Variants in LPGAT1 observed in about 807,000 individuals in gnomAD.
The protein encoded by LPGAT1 is acyl-CoA:lysophosphatidylglycerol acyltransferase 1.
In LPGAT1, 11 loss-of-function variants were observed where a neutral mutation model predicts 47.5. The ratio of observed to expected loss-of-function variants is 0.23; its 90% CI spans 0.15 to 0.38. The LOEUF is 0.38. LPGAT1 is among the 10% of genes least tolerant of loss of function. LPGAT1 has a pLI of 1.00. For synonymous variants in LPGAT1, 138 were observed against 144.2 expected (o/e 0.96, Z 0.31); for missense variants, 293 against 439.0 (o/e 0.67, Z 2.97).
chr1:211,823,380 T>A (rs1660427683), intron 2 of LPGAT1, among the ~76,000 whole-genome samples: 1 of 152,192 alleles, frequency 6.6e-6, no homozygotes, highest in Admixed American at 6.5e-5. Flanking sequence ...ATTATAATTA[T>A]TAAGAATTCA....
chr1:211,784,568 AG>A (rs1257752264), intron 4 of LPGAT1, among the ~76,000 whole-genome samples: 1 of 152,034 alleles, frequency 6.6e-6, no homozygotes, highest in Admixed American at 6.6e-5. Context: ...ATAAGTTAGA[AG>A]ACTTGCAGTA....
intron 2 of LPGAT1, among the ~76,000 whole-genome samples, chr1:211,820,400 C>T (rs1029781266): frequency 6.6e-6 from 1 of 151,902 alleles, no homozygotes; most frequent in Non-Finnish European, 1.5e-5. Flanking sequence ...AAAATTATAA[C>T]TGAATAATTT....
chr1:211,770,995 G>C (rs1571710730), intron 6 of LPGAT1, among the ~76,000 whole-genome samples: 1 of 151,722 alleles, frequency 6.6e-6, no homozygotes, highest in East Asian at 1.9e-4. Flanking sequence ...TACCCGAGAG[G>C]CTGAGGTGGG....
chr1:211,775,086 A>G (rs991349033), intron 6 of LPGAT1, among the ~76,000 whole-genome samples: 3 of 152,218 alleles, frequency 2.0e-5, no homozygotes, highest in Non-Finnish European at 4.4e-5. Flanking sequence ...AGTGAGGTAC[A>G]GAACAGGTAG....
intron 6 of LPGAT1, among the ~76,000 whole-genome samples, chr1:211,765,878 T>C (rs1457316342): frequency 1.3e-5 from 2 of 152,140 alleles, no homozygotes; most frequent in African/African-American, 4.8e-5. Flanking sequence ...GTGTGTGTGT[T>C]TCTGGAAGAA....
chr1:211,822,450 A>T (rs1383577537), intron 2 of LPGAT1, among the ~76,000 whole-genome samples: 1 of 152,092 alleles, frequency 6.6e-6, no homozygotes, highest in African/African-American at 2.4e-5. Context: ...AAATCAAAAC[A>T]CTACTGAAAA....
chr1:211,797,048 G>A (rs1659379110), intron 2 of LPGAT1, among the ~76,000 whole-genome samples: 1 of 152,132 alleles, frequency 6.6e-6, no homozygotes, highest in South Asian at 2.1e-4. Context: ...TTGAGGTCAG[G>A]AGTTCGGGAC....
Position 211,804,248 on chromosome 1 carries a change from C to T in LPGAT1, c.239-11058G>A, listed in dbSNP as rs567071806. On this transcript the variant is annotated intron_variant, in intron 2 of 7. Transcript: ENST00000366997. ...TACTTTTTGTAGAGACAGGGTCTCG[C>T]TTTGTTGCCCATGCTGGTCTCAGAT... Among the ~76,000 whole-genome samples the T allele has an allele frequency of 2.2e-4, 34 of 152,156 alleles. No individual in the cohort carries two copies. The East Asian group carries it at 6.2e-3, about 28-fold the overall frequency.
intron 6 of LPGAT1, among the ~76,000 whole-genome samples, chr1:211,771,418 C>T (rs1658163744): frequency 6.6e-6 from 1 of 152,082 alleles, no homozygotes; most frequent in Non-Finnish European, 1.5e-5. Flanking sequence ...GTTATGTGCA[C>T]TTCAAACACT....
intron 3 of LPGAT1, among the ~76,000 whole-genome samples, chr1:211,790,934 G>A (rs1393989322): frequency 3.9e-5 from 6 of 152,162 alleles, no homozygotes; most frequent in Admixed American, 3.9e-4. Flanking sequence ...GATCCTATCT[G>A]TAAGAGTTAC....
intron 6 of LPGAT1, among the ~76,000 whole-genome samples, chr1:211,758,261 G>C (rs772295939): frequency 1.2e-4 from 18 of 152,254 alleles, no homozygotes; most frequent in Admixed American, 7.9e-4. Flanking sequence ...ATTTGAGTCA[G>C]TGAATGATTG....
chr1:211,824,183 G>A (rs1472783578), intron 2 of LPGAT1, among the ~76,000 whole-genome samples: 3 of 151,926 alleles, frequency 2.0e-5, no homozygotes, highest in African/African-American at 4.8e-5. Context: ...GATCACTTGA[G>A]GTCAGGAGTT....
rs1656993386 is a variant in LPGAT1 at position 211,747,556 on chromosome 1, T to C, written c.*2343A>G. ...ATTTATGTATGCATGTTCGCATTTA[T>C]TTTTGGATAGGAGAACTGGTCACTC... On this transcript the variant is annotated 3_prime_UTR_variant, in exon 8 of 8. Transcript: ENST00000366997. The C allele has an allele frequency of 6.6e-6, 1 of 152,248 alleles. No individual in the cohort carries two copies. The highest frequency in any genetic ancestry group is 1.5e-5 in the Non-Finnish European group (1 of 68,042). 9.4% of individuals were successfully genotyped at this position (152,248 alleles called of 1,614,324 possible).
chr1:211,797,311 CTTTT>C (rs200601647), intron 2 of LPGAT1, among the ~76,000 whole-genome samples: 2 of 122,622 alleles, frequency 1.6e-5, no homozygotes, highest in Non-Finnish European at 3.3e-5. Context: ...CTTTCCTTTT[CTTTT>C]TTTTTTTTTT....
intron 2 of LPGAT1, among the ~76,000 whole-genome samples, chr1:211,796,614 T>C (rs1239768192): frequency 6.6e-6 from 1 of 152,202 alleles, no homozygotes; most frequent in South Asian, 2.1e-4. Flanking sequence ...TGTGGTAATT[T>C]GTTATGGCAG....
intron 3 of LPGAT1, among the ~76,000 whole-genome samples, chr1:211,792,789 G>A (rs1427055341): frequency 1.5e-5 from 2 of 130,316 alleles, no homozygotes; most frequent in Admixed American, 9.7e-5. Context: ...TCGGCTCACT[G>A]CAATTTCTGC....
At chr1:211,781,635 C>G (rs1238418027) in intron 5 of LPGAT1, among the ~76,000 whole-genome samples, 2 of 152,218 alleles carry the variant, frequency 1.3e-5, no homozygotes, top group Non-Finnish European at 2.9e-5. Flanking sequence ...ACGTCTGGTC[C>G]TGATTGCCAC....
intron 4 of LPGAT1, 67 bp from the exon 5 acceptor site, chr1:211,783,569 A>G: frequency 7.2e-7 from 1 of 1,386,590 alleles, no homozygotes; most frequent in Non-Finnish European, 9.8e-7. Flanking sequence ...AAAATTAAAC[A>G]GAAATTACAG....
At position 211,829,219 on chromosome 1, in the gene LPGAT1, G is replaced by C. The variant is rs377060850; in HGVS notation, c.78C>G (p.Val26=). The C allele has an allele frequency of 6.2e-6, 10 of 1,614,010 alleles. No homozygotes were observed. In the African/African-American group the frequency reaches 8.0e-5, roughly 13 times the overall value. The part of the protein sequence containing the change: ...VKALMRFAFM[V]VNNLVAIPSY... ...ATGGAATAGCAACCAGGTTGTTGACGACCATGAAGGCAAACCTCATCAGTG... is the reference window on the plus strand; with the variant it reads ...ATGGAATAGCAACCAGGTTGTTGACCACCATGAAGGCAAACCTCATCAGTG... Residue 26 remains valine (V), a synonymous_variant, in exon 2 of 8, where the codon GTC becomes GTG. Transcript: ENST00000366997.
Sources: gnomAD v4.1 joint callset for allele counts (sites outside exome capture counted in the v4.1 genomes callset) on GRCh38, gnomAD v4.1.1 for gene constraint, MANE v1.5 for transcripts, NCBI Gene and HGNC (gene_info 2026-07-23, HGNC 2026-07-21) for gene names.